KCNQ1OT1: variants seen among roughly 807,000 people sequenced by gnomAD.
KCNQ1OT1 encodes the protein KCNQ1 antisense RNA 2 (non-protein coding).
In KCNQ1OT1 at chr11:2,669,721, G is replaced by A. The variant is rs16928530; in HGVS notation, n.30274C>T. The A allele has an allele frequency of 0.01, 4,161 of 398,554 alleles. 168 individuals carry two copies. Among genetic ancestry groups the A allele is most frequent in the African/African-American group, 0.077 (3,761 of 48,684 alleles). The allele number at this position is 398,554 out of a possible 1,614,324, so 24.7% of individuals were successfully genotyped here. A position where few individuals can be genotyped will look rare whatever the true frequency, so the allele number is the denominator to read the frequency against. ...AGGCATCCAGCCACATACCTGACTC[G>A]GGGAAATGCCTGAAAATATTAGCCA... is the stretch of plus-strand genomic sequence containing the variant. On this transcript the variant is annotated non_coding_transcript_exon_variant, in exon 1 of 1. Transcript: ENST00000597346. The surrounding 1 kb of genome is among the most constrained non-coding windows in gnomAD (Gnocchi z 5.6).
At position 2,627,955 on chromosome 11, in the gene KCNQ1OT1, T is replaced by A. The variant is rs1187825621; in HGVS notation, n.72040A>T. 2 of 398,446 alleles carry A rather than the reference T, an allele frequency of 5.0e-6. No individual in the cohort carries two copies. Among genetic ancestry groups the A allele is most frequent in the Non-Finnish European group, 8.8e-6 (2 of 226,078 alleles). The allele number at this position is 398,446 out of a possible 1,614,324, so 24.7% of individuals were successfully genotyped here. On this transcript the variant is annotated non_coding_transcript_exon_variant, in exon 1 of 1. Transcript: ENST00000597346. This position sits in a 1 kb window ranked among gnomAD's most constrained non-coding sequence, Gnocchi z 4.9. ...TATGTAGAGATAGGGTATCACTATG[T>A]TTCCTAGGCTGGTCTCAAACTCCTG...
Position 2,695,110 on chromosome 11 carries a change from G to A in KCNQ1OT1, n.4885C>T. Reference sequence around the variant, plus strand: ...AGAAGCCACTAGAGGGTATCTGGCAGGAGAGTCATGGAGGCACATTCATTC... The same window carrying A: ...AGAAGCCACTAGAGGGTATCTGGCAAGAGAGTCATGGAGGCACATTCATTC... On this transcript the variant is annotated non_coding_transcript_exon_variant, in exon 1 of 1. Coordinates refer to ENST00000597346, the Ensembl canonical transcript of KCNQ1OT1. This position sits in a 1 kb window ranked among gnomAD's most constrained non-coding sequence, Gnocchi z 5.2. The A allele has an allele frequency of 5.0e-6, 2 of 398,660 alleles. No homozygotes were observed. The highest frequency in any genetic ancestry group is 8.8e-6 in the Non-Finnish European group (2 of 226,100). 24.7% of individuals were successfully genotyped at this position (398,660 alleles called of 1,614,324 possible).
In KCNQ1OT1 at chr11:2,670,805, C is replaced by T. The variant is rs1263768210; in HGVS notation, n.29190G>A. ...AATAAGAATTCTTCAAGTTCAGCCTCTATGTGCATCATAAACCTGGTGCCA... is the reference window on the plus strand; with the variant it reads ...AATAAGAATTCTTCAAGTTCAGCCTTTATGTGCATCATAAACCTGGTGCCA... On this transcript the variant is annotated non_coding_transcript_exon_variant, in exon 1 of 1. Coordinates refer to ENST00000597346, the Ensembl canonical transcript of KCNQ1OT1. The surrounding 1 kb of genome is among the most constrained non-coding windows in gnomAD (Gnocchi z 4.9). The T allele has an allele frequency of 5.0e-6, 2 of 398,524 alleles. No homozygotes were observed. The highest frequency in any genetic ancestry group is 8.8e-6 in the Non-Finnish European group (2 of 226,108). The allele number at this position is 398,524 out of a possible 1,614,324, so 24.7% of individuals were successfully genotyped here. A position where few individuals can be genotyped will look rare whatever the true frequency, so the allele number is the denominator to read the frequency against.
Position 2,654,144 on chromosome 11 carries a change from T to A in KCNQ1OT1, n.45851A>T. On this transcript the variant is annotated non_coding_transcript_exon_variant, in exon 1 of 1. Coordinates refer to ENST00000597346, the Ensembl canonical transcript of KCNQ1OT1. This position sits in a 1 kb window ranked among gnomAD's most constrained non-coding sequence, Gnocchi z 6.4. ...GTGGCGGGGCCACTCTGGCTCAGGG[T>A]CTATGAGCCGGGCATGGGCAGCTGG... 1 of 398,320 alleles carries A rather than the reference T, an allele frequency of 2.5e-6. No individual in the cohort carries two copies. The highest frequency in any genetic ancestry group is 4.4e-6 in the Non-Finnish European group (1 of 225,936). The allele number at this position is 398,320 out of a possible 1,614,324, so 24.7% of individuals were successfully genotyped here.
At chr11:2,681,517 T>G (rs1195777949) in exon 1 of KCNQ1OT1, 1 of 398,446 alleles carries the variant, frequency 2.5e-6, no homozygotes, top group Non-Finnish European at 4.4e-6. Flanking sequence ...TGGTCCAGGT[T>G]AAGCCAGCCC....
exon 1 of KCNQ1OT1, chr11:2,699,687 C>T (rs1850754413): frequency 2.8e-6 from 1 of 352,492 alleles, no homozygotes. Context: ...CCGAAAAGCC[C>T]CGGGTGCCCC....
At chr11:2,622,213 T>G in exon 1 of KCNQ1OT1, 1 of 398,436 alleles carries the variant, frequency 2.5e-6, no homozygotes, top group Non-Finnish European at 4.4e-6. Context: ...CAGTATATTT[T>G]CTTATATTCT....
Position 2,629,165 on chromosome 11 carries a change from C to G in KCNQ1OT1, n.70830G>C, listed in dbSNP as rs1404239959. The G allele has an allele frequency of 1.0e-5, 4 of 398,130 alleles. No individual in the cohort carries two copies. The Admixed American group carries it at 1.8e-4, about 18-fold the overall frequency. 24.7% of individuals were successfully genotyped at this position (398,130 alleles called of 1,614,324 possible). Reference sequence around the variant, plus strand: ...AAATTTGATAGGCATTGCCTTGAATCTGTAGATCACTTTGAGTAGTATAGC... The same window carrying G: ...AAATTTGATAGGCATTGCCTTGAATGTGTAGATCACTTTGAGTAGTATAGC... On this transcript the variant is annotated non_coding_transcript_exon_variant, in exon 1 of 1. Coordinates refer to ENST00000597346, the Ensembl canonical transcript of KCNQ1OT1.
chr11:2,662,263 C>T, exon 1 of KCNQ1OT1: 7 of 675,634 alleles, frequency 1.0e-5, no homozygotes, highest in Non-Finnish European at 1.8e-5. Context: ...AGCAAGGGCA[C>T]TTCCCACTGA....
chr11:2,675,090 C>A, exon 1 of KCNQ1OT1: 1 of 398,622 alleles, frequency 2.5e-6, no homozygotes, highest in Non-Finnish European at 4.4e-6. Flanking sequence ...GTGGGCATGT[C>A]CTGAGTGGAC....
chr11:2,655,204 C>G, exon 1 of KCNQ1OT1: 1 of 398,632 alleles, frequency 2.5e-6, no homozygotes, highest in Non-Finnish European at 4.4e-6. Context: ...CCAGCGTCCC[C>G]AGCTGGGGTA....
rs141480262 is a variant in KCNQ1OT1, at chr11:2,629,608, A to T, written n.70387T>A. Reference sequence around the variant, plus strand: ...AGAGAATCCATTTGCCATTGAATGGACATGGCATGCTTGTCAGAAATCATG... The same window carrying T: ...AGAGAATCCATTTGCCATTGAATGGTCATGGCATGCTTGTCAGAAATCATG... On this transcript the variant is annotated non_coding_transcript_exon_variant, in exon 1 of 1. Transcript: ENST00000597346. 7 of 398,494 alleles carry T rather than the reference A, an allele frequency of 1.8e-5. 1 individual carries two copies. Among genetic ancestry groups the T allele is most frequent in the African/African-American group, 4.1e-5 (2 of 48,744 alleles). 24.7% of individuals were successfully genotyped at this position (398,494 alleles called of 1,614,324 possible).
chr11:2,627,503 C>CT lies in KCNQ1OT1; in HGVS notation n.72491dup. ...AACCACCCTTCTACTCTCCGTTTCT[C>CT]TGAGTTCAAGCTTTTTAGAATTCCA... is the stretch of plus-strand genomic sequence containing the variant. On this transcript the variant is annotated non_coding_transcript_exon_variant, in exon 1 of 1. Transcript: ENST00000597346. The surrounding 1 kb of genome is among the most constrained non-coding windows in gnomAD (Gnocchi z 4.9). The CT allele has an allele frequency of 2.5e-6, 1 of 398,532 alleles. No homozygotes were observed. The highest frequency in any genetic ancestry group is 4.4e-6 in the Non-Finnish European group (1 of 226,040). The allele number at this position is 398,532 out of a possible 1,614,324, so 24.7% of individuals were successfully genotyped here. A position where few individuals can be genotyped will look rare whatever the true frequency, so the allele number is the denominator to read the frequency against.
At position 2,640,302 on chromosome 11, in the gene KCNQ1OT1, C is replaced by T. The variant is rs549205513; in HGVS notation, n.59693G>A. ...AATCACCCATCTTCTGCGTCACTCACGCTGGGAGCTATAGACTGGAGCTCC... is the reference window on the plus strand; with the variant it reads ...AATCACCCATCTTCTGCGTCACTCATGCTGGGAGCTATAGACTGGAGCTCC... On this transcript the variant is annotated non_coding_transcript_exon_variant, in exon 1 of 1. Transcript: ENST00000597346. 110 of 398,198 alleles carry T rather than the reference C, an allele frequency of 2.8e-4. No individual in the cohort carries two copies. Among genetic ancestry groups the T allele is most frequent in the South Asian group, 2.2e-3 (16 of 7,138 alleles). 24.7% of individuals were successfully genotyped at this position (398,198 alleles called of 1,614,324 possible).
At chr11:2,616,156 T>C (rs1043555230) in exon 1 of KCNQ1OT1, 8 of 397,976 alleles carry the variant, frequency 2.0e-5, no homozygotes, top group Non-Finnish European at 3.5e-5. Flanking sequence ...AGTATTCTTT[T>C]ATCACACTTT....
exon 1 of KCNQ1OT1, chr11:2,667,844 G>A (rs1222257860): frequency 2.5e-6 from 1 of 398,510 alleles, no homozygotes; most frequent in Admixed American, 4.4e-5. Context: ...TTTAGTTAAA[G>A]GGTAATGTGC....
chr11:2,667,592 TG>T, exon 1 of KCNQ1OT1: 1 of 36,652 alleles, frequency 2.7e-5, no homozygotes, highest in Non-Finnish European at 5.3e-5. Context: ...GGGGCGGGGT[TG>T]GGCGGGGGGC....
chr11:2,653,933 T>G lies in KCNQ1OT1; in HGVS notation n.46062A>C, dbSNP rs1193879338. 2 of 398,624 alleles carry G rather than the reference T, an allele frequency of 5.0e-6. No individual in the cohort carries two copies. The highest frequency in any genetic ancestry group is 8.8e-6 in the Non-Finnish European group (2 of 226,138). 24.7% of individuals were successfully genotyped at this position (398,624 alleles called of 1,614,324 possible). On this transcript the variant is annotated non_coding_transcript_exon_variant, in exon 1 of 1. Transcript: ENST00000597346. This position sits in a 1 kb window ranked among gnomAD's most constrained non-coding sequence, Gnocchi z 5.3. The stretch of plus-strand genomic sequence containing the variant: ...GCTGTTCCCAGAAGCCAGGCCTGGC[T>G]GCTGGCAGGCAAAAACAACAGGTGT...
Position 2,659,917 on chromosome 11 carries a change from T to C in KCNQ1OT1, n.40078A>G. On this transcript the variant is annotated non_coding_transcript_exon_variant, in exon 1 of 1. Coordinates refer to ENST00000597346, the Ensembl canonical transcript of KCNQ1OT1. This position sits in a 1 kb window ranked among gnomAD's most constrained non-coding sequence, Gnocchi z 4.3. ...TCACTTTATTGTCAAGTTGTAAGCA[T>C]TCTTTATATATTCTGAGTGCAAGTC... 1 of 398,476 alleles carries C rather than the reference T, an allele frequency of 2.5e-6. No individual in the cohort carries two copies. The highest frequency in any genetic ancestry group is 4.4e-6 in the Non-Finnish European group (1 of 225,976). 24.7% of individuals were successfully genotyped at this position (398,476 alleles called of 1,614,324 possible).
Sources: allele counts gnomAD v4.1 joint callset, GRCh38; gene constraint gnomAD v4.1.1; non-coding constraint Gnocchi (gnomAD v3.1); transcripts MANE v1.5; gene names NCBI Gene and HGNC (gene_info 2026-07-23, HGNC 2026-07-21).